The following FOXK1 variants were observed in gnomAD, a reference collection of about 807,000 sequenced individuals.
The protein encoded by FOXK1 is forkhead box protein K1.
FOXK1 carries 19 observed loss-of-function variants against 51.9 expected under a neutral mutation model. The observed-to-expected ratio is 0.37, with a 90% CI of 0.26 to 0.54. FOXK1 has a LOEUF of 0.54. Ranked by LOEUF, FOXK1 falls within the 20% of genes least tolerant of loss-of-function variation. The probability of loss-of-function intolerance (pLI) is 0.87; values close to 1 mark genes in which losing one functional copy is unlikely to be tolerated. For missense variants in FOXK1, 870 were observed against 1,032.7 expected, an observed-to-expected ratio of 0.84 and a Z score of 2.16; for synonymous variants, 537 against 482.6, an observed-to-expected ratio of 1.11 and a Z score of -1.48.
intron 2 of FOXK1, among the ~76,000 whole-genome samples, chr7:4,751,266 TC>T (rs1358028093): frequency 6.7e-6 from 1 of 148,848 alleles, no homozygotes; most frequent in Non-Finnish European, 1.5e-5. Context: ...TGATCCACCC[TC>T]CTCGGGTAAT....
intron 1 of FOXK1, among the ~76,000 whole-genome samples, chr7:4,700,205 G>A (rs775666316): frequency 1.3e-5 from 2 of 152,200 alleles, no homozygotes; most frequent in Non-Finnish European, 2.9e-5. Flanking sequence ...TTTTGTTGGG[G>A]CAGGACCACG....
chr7:4,689,266 C>CT (rs1275687542), intron 1 of FOXK1, among the ~76,000 whole-genome samples: 1 of 152,186 alleles, frequency 6.6e-6, no homozygotes, highest in Non-Finnish European at 1.5e-5. Flanking sequence ...ATGTGAGCCA[C>CT]TGCACCCGGC....
chr7:4,692,043 C>T (rs1017017140), intron 1 of FOXK1, among the ~76,000 whole-genome samples: 3 of 152,212 alleles, frequency 2.0e-5, no homozygotes, highest in Non-Finnish European at 2.9e-5. Flanking sequence ...TCTGTTGACA[C>T]TGACCGTATT....
Position 4,756,091 on chromosome 7 carries a change from G to A in FOXK1, c.1050+708G>A, listed in dbSNP as rs1397088295. ...GTATTTTCTCCAATGTCAGTGTAGC[G>A]CATCCACTAGCTTTGGTTTTTTGTT... On this transcript the variant is annotated intron_variant, in intron 4 of 8. Coordinates refer to ENST00000328914, the MANE Select transcript of FOXK1 (RefSeq NM_001037165.2). The surrounding 1 kb of genome is among the most constrained non-coding windows in gnomAD (Gnocchi z 4.1). Among the ~76,000 whole-genome samples the A allele has an allele frequency of 3.9e-5, 6 of 152,164 alleles. No individual in the cohort carries two copies. Among genetic ancestry groups the A allele is most frequent in the South Asian group, 2.1e-4 (1 of 4,818 alleles).
chr7:4,760,286 C>T (rs1019946774), intron 7 of FOXK1, among the ~76,000 whole-genome samples: 2 of 152,178 alleles, frequency 1.3e-5, no homozygotes, highest in Non-Finnish European at 2.9e-5. Flanking sequence ...TAAAAGAAAT[C>T]CGATCCCAGG....
intron 2 of FOXK1, among the ~76,000 whole-genome samples, chr7:4,742,916 G>A (rs148556173): frequency 2.0e-5 from 3 of 152,344 alleles, no homozygotes; most frequent in East Asian, 3.9e-4. Flanking sequence ...GTGGGTGGGA[G>A]TGTCTCTCGT....
Position 4,711,042 on chromosome 7 carries a change from G to A in FOXK1, c.560+28174G>A, listed in dbSNP as rs1451272697. 2.0e-5 allele frequency among the ~76,000 whole-genome samples: 3 copies of A among 148,970 alleles called. No individual in the cohort carries two copies. The highest frequency in any genetic ancestry group is 5.2e-5 in the African/African-American group (2 of 38,406). On this transcript the variant is annotated intron_variant, in intron 1 of 8. Transcript: ENST00000328914. This position sits in a 1 kb window ranked among gnomAD's most constrained non-coding sequence, Gnocchi z 6.3. ...GGAGTTGCAGAGCAGCCTGGCTTTA[G>A]AGAACGCTTAGAGAAGATGGAGATG...
At chr7:4,742,628 G>C (rs1780650025) in intron 2 of FOXK1, among the ~76,000 whole-genome samples, 1 of 151,994 alleles carries the variant, frequency 6.6e-6, no homozygotes, top group Non-Finnish European at 1.5e-5. Flanking sequence ...TGTTGCCCAG[G>C]CTGGTCTGAA....
At chr7:4,705,971 T>TACACATATATATACATATATAC (rs1491032451) in intron 1 of FOXK1, among the ~76,000 whole-genome samples, 1 of 76,468 alleles carries the variant, frequency 1.3e-5, no homozygotes, top group Non-Finnish European at 2.4e-5. Context: ...TATATATATA[T>TACACATATATATACATATATAC]ACGTATATAT....
chr7:4,692,984 T>C (rs1483523949), intron 1 of FOXK1, among the ~76,000 whole-genome samples: 2 of 151,886 alleles, frequency 1.3e-5, no homozygotes, highest in Non-Finnish European at 2.9e-5. Flanking sequence ...AGTCATCCTC[T>C]GCTATAATAT....
At chr7:4,708,787 G>A (rs984438535) in intron 1 of FOXK1, among the ~76,000 whole-genome samples, 4 of 152,144 alleles carry the variant, frequency 2.6e-5, no homozygotes, top group African/African-American at 7.2e-5. Context: ...TGGTAAGGCC[G>A]GGCTTGGTGG....
chr7:4,739,360 C>T (rs910575594), intron 1 of FOXK1, among the ~76,000 whole-genome samples: 13 of 152,230 alleles, frequency 8.5e-5, no homozygotes, highest in African/African-American at 2.7e-4. Context: ...AGGCGGCCAG[C>T]GTTCCTTATC....
chr7:4,697,535 T>C (rs1425670992), intron 1 of FOXK1, among the ~76,000 whole-genome samples: 1 of 152,232 alleles, frequency 6.6e-6, no homozygotes, highest in African/African-American at 2.4e-5. Context: ...TGGCCATGCC[T>C]GGTGGCCCGT....
chr7:4,705,985 TATATATA>T (rs1562373041), intron 1 of FOXK1, among the ~76,000 whole-genome samples: 1 of 95,888 alleles, frequency 1.0e-5, no homozygotes, highest in Non-Finnish European at 1.9e-5. Flanking sequence ...TATATATACG[TATATATA>T]CGTATATATA....
rs1189504789 is a variant in FOXK1 at position 4,703,769 on chromosome 7, T to C, written c.560+20901T>C. Among the ~76,000 whole-genome samples, 1 of 152,084 alleles carries C rather than the reference T, an allele frequency of 6.6e-6. No homozygotes were observed. Among genetic ancestry groups the C allele is most frequent in the South Asian group, 2.1e-4 (1 of 4,830 alleles). ...GGAGGCACTTTCAGAGCATCGTGAC[T>C]AGATAAAAGTAGGTGAAAAGGGAAT... On this transcript the variant is annotated intron_variant, in intron 1 of 8. Coordinates refer to ENST00000328914, the MANE Select transcript of FOXK1 (RefSeq NM_001037165.2). The surrounding 1 kb of genome is among the most constrained non-coding windows in gnomAD (Gnocchi z 5.6).
rs1780505943 is a variant in FOXK1, at chr7:4,733,254, C to G, written c.561-7584C>G. Among the ~76,000 whole-genome samples, 1 of 151,820 alleles carries G rather than the reference C, an allele frequency of 6.6e-6. No individual in the cohort carries two copies. Among genetic ancestry groups the G allele is most frequent in the Non-Finnish European group, 1.5e-5 (1 of 67,994 alleles). ...GTGTTGCCCAGGCTGGTTTCAAACT[C>G]CTGGGCTCAAGCAATCCTCCAACCT... On this transcript the variant is annotated intron_variant, in intron 1 of 8. Transcript: ENST00000328914. This position sits in a 1 kb window ranked among gnomAD's most constrained non-coding sequence, Gnocchi z 5.0.
In FOXK1 at chr7:4,731,647, C is replaced by G. The variant is rs139141517; in HGVS notation, c.561-9191C>G. ...TGGTGGTGGGCACCTGTAATCCCAG[C>G]TACTCGGGAGGCTGAGGCAGGAGAA... On this transcript the variant is annotated intron_variant, in intron 1 of 8. Transcript: ENST00000328914. The surrounding 1 kb of genome is among the most constrained non-coding windows in gnomAD (Gnocchi z 5.3). 0.013 allele frequency among the ~76,000 whole-genome samples: 1,912 copies of G among 151,760 alleles called. 44 individuals carry two copies. The highest frequency in any genetic ancestry group is 0.044 in the African/African-American group (1,836 of 41,334).
In FOXK1 at chr7:4,682,812, C is replaced by T; in HGVS notation, c.504C>T (p.Val168=). 1.9e-6 allele frequency: 3 copies of T among 1,584,996 alleles called. No individual in the cohort carries two copies. Among genetic ancestry groups the T allele is most frequent in the Admixed American group, 1.7e-5 (1 of 58,992 alleles). The change falls in exon 1 of 9, where the codon GTC becomes GTT. Residue 168 remains valine, a synonymous_variant. Transcript: ENST00000328914. This position sits in a 1 kb window ranked among gnomAD's most constrained non-coding sequence, Gnocchi z 7.6. ...TGCGCTGCCTCGGCAAGAACGGCGT[C>T]TTCGTGGACGGGGCCTTCCAGAGAC... is the stretch of plus-strand genomic sequence containing the variant. ...FYLRCLGKNG[V]FVDGAFQRRG...
In FOXK1 at chr7:4,708,132, T is replaced by A. The variant is rs1353147396; in HGVS notation, c.560+25264T>A. Among the ~76,000 whole-genome samples, 5 of 151,610 alleles carry A rather than the reference T, an allele frequency of 3.3e-5. No individual in the cohort carries two copies. In the East Asian group the frequency reaches 9.7e-4, roughly 29 times the overall value. On this transcript the variant is annotated intron_variant, in intron 1 of 8. Coordinates refer to ENST00000328914, the MANE Select transcript of FOXK1 (RefSeq NM_001037165.2). The stretch of plus-strand genomic sequence containing the variant: ...TGGAACCCGCCCCGCCCTCCAGGAG[T>A]GCTTGGAATGTGCTCTTTGAAGGGC...
Sources: allele counts gnomAD v4.1 joint callset (sites outside exome capture counted in the v4.1 genomes callset), GRCh38; gene constraint gnomAD v4.1.1; non-coding constraint Gnocchi (gnomAD v3.1); transcripts MANE v1.5; gene names NCBI Gene and HGNC (gene_info 2026-07-23, HGNC 2026-07-21).